Variants in ATG4C observed in about 807,000 individuals in gnomAD.
The protein encoded by ATG4C is cysteine protease ATG4C.
ATG4C carries 56 observed loss-of-function variants against 57.6 expected under a neutral mutation model. That is an observed-to-expected ratio of 0.97 (90% confidence interval 0.78 to 1.21). The LOEUF (loss-of-function observed/expected upper bound fraction) is 1.21, where lower values mean the gene tolerates loss of function less well. ATG4C is among the 50% of genes most tolerant of loss of function. ATG4C has a pLI of 0.00. For missense variants in ATG4C, 595 were observed against 529.8 expected (o/e 1.12, Z -1.21); for synonymous variants, 157 against 174.1 (o/e 0.90, Z 0.78).
At chr1:62,822,376 C>CTATG (rs1665510238) in intron 6 of ATG4C, among the ~76,000 whole-genome samples, 1 of 152,072 alleles carries the variant, frequency 6.6e-6, no homozygotes, top group South Asian at 2.1e-4. Flanking sequence ...TTTGCAGGTA[C>CTATG]TATGTTTTTC....
In ATG4C at chr1:62,787,344, A is replaced by G. The variant is rs1006755879; in HGVS notation, c.-69+3071A>G. Among the ~76,000 whole-genome samples, 6 of 152,298 alleles carry G rather than the reference A, an allele frequency of 3.9e-5. No individual in the cohort carries two copies. The East Asian group carries it at 7.7e-4, about 20-fold the overall frequency. ...TCTGTTTTGAATCTATCTGTAATATATTAAACCATGTATATGAATAGGTAA... is the reference window on the plus strand; with the variant it reads ...TCTGTTTTGAATCTATCTGTAATATGTTAAACCATGTATATGAATAGGTAA... On this transcript the variant is annotated intron_variant, in intron 1 of 10. Transcript: ENST00000317868.
chr1:62,815,144 A>C (rs1665224926), intron 3 of ATG4C, among the ~76,000 whole-genome samples: 1 of 152,068 alleles, frequency 6.6e-6, no homozygotes, highest in Admixed American at 6.6e-5. Context: ...CTAGGTTTAA[A>C]TGTATCATGT....
chr1:62,817,996 G>T (rs777648321), intron 4 of ATG4C, among the ~76,000 whole-genome samples: 3 of 151,750 alleles, frequency 2.0e-5, no homozygotes, highest in African/African-American at 7.3e-5. Context: ...TTTCTGGGAT[G>T]ATTTATTTAT....
chr1:62,805,247 A>G lies in ATG4C; in HGVS notation c.152A>G (p.Lys51Arg). ...VLLLGKCYHF[K>R]YEDEDKTLPA... Reference sequence around the variant, plus strand: ...TTGCTTGGAAAATGTTACCATTTTAAATATGAAGGTAAGTACAAAATTTGT... The same window carrying G: ...TTGCTTGGAAAATGTTACCATTTTAGATATGAAGGTAAGTACAAAATTTGT... The change falls in exon 3 of 11, where the codon AAA becomes AGA. Residue 51 changes from lysine to arginine, a missense_variant. Physicochemically the swap from Lys to Arg is conservative, Grantham distance 26. Coordinates refer to ENST00000317868, the MANE Select transcript of ATG4C (RefSeq NM_032852.4). 1 of 1,517,958 alleles carries G rather than the reference A, an allele frequency of 6.6e-7. No individual in the cohort carries two copies. 94.0% of individuals were successfully genotyped at this position (1,517,958 alleles called of 1,614,324 possible). A position where few individuals can be genotyped will look rare whatever the true frequency, so the allele number is the denominator to read the frequency against.
chr1:62,819,213 C>T lies in ATG4C; in HGVS notation c.603C>T (p.Ile201=), dbSNP rs1277770450. Residue 201 remains isoleucine, a synonymous_variant, in exon 5 of 11, where the codon ATC becomes ATT. Transcript: ENST00000317868. ...ATGAAGTTTATCATAGGAAAATCAT[C>T]TCTTGGTTTGGTGATTCCCCCTTGG... is the stretch of plus-strand genomic sequence containing the variant. ...MRNEVYHRKI[I]SWFGDSPLAL... 1 of 1,613,520 alleles carries T rather than the reference C, an allele frequency of 6.2e-7. No homozygotes were observed. The highest frequency in any genetic ancestry group is 1.7e-5 in the Admixed American group (1 of 59,944).
At chr1:62,837,949 C>G (rs1424580983) in intron 9 of ATG4C, among the ~76,000 whole-genome samples, 1 of 152,126 alleles carries the variant, frequency 6.6e-6, no homozygotes, top group African/African-American at 2.4e-5. Flanking sequence ...TGCCACCATA[C>G]CCGGTTAATT....
chr1:62,838,427 AC>A (rs769666259), intron 9 of ATG4C, among the ~76,000 whole-genome samples: 39 of 152,314 alleles, frequency 2.6e-4, no homozygotes, highest in Admixed American at 5.9e-4. Context: ...GCAATAGACA[AC>A]GATTGTGAAT....
chr1:62,805,277 C>T (rs1455122102), intron 3 of ATG4C, 22 bp downstream of exon 3: 1 of 1,475,374 alleles, frequency 6.8e-7, no homozygotes, highest in Non-Finnish European at 8.9e-7. Flanking sequence ...ATTTGTAAAC[C>T]ATTTAAAAAT....
intron 7 of ATG4C, 98 bp from the exon 8 acceptor site, chr1:62,833,940 T>C (rs750891042): frequency 1.4e-5 from 14 of 997,212 alleles, no homozygotes; most frequent in African/African-American, 4.9e-5. Context: ...CTGGTAGTGG[T>C]AAATTTGGGA....
At chr1:62,817,268 T>C (rs1572125188) in intron 4 of ATG4C, among the ~76,000 whole-genome samples, 1 of 152,188 alleles carries the variant, frequency 6.6e-6, no homozygotes, top group East Asian at 1.9e-4. Flanking sequence ...TACATGTCAA[T>C]AATGGTTTAA....
chr1:62,858,990 G>GT lies in ATG4C; in HGVS notation c.1210-5000dup, dbSNP rs536540753. Among the ~76,000 whole-genome samples, 414 of 152,240 alleles carry GT rather than the reference G, an allele frequency of 2.7e-3. 2 individuals carry two copies. Among genetic ancestry groups the GT allele is most frequent in the African/African-American group, 9.5e-3 (393 of 41,538 alleles). On this transcript the variant is annotated intron_variant, in intron 10 of 10. Transcript: ENST00000317868. ...GGGGATACATTCTGATAAATGTGTTGTTAGGTGATTTCATTGTTGTGCGAA... is the reference window on the plus strand; with the variant it reads ...GGGGATACATTCTGATAAATGTGTTGTTTAGGTGATTTCATTGTTGTGCGAA...
chr1:62,841,556 A>T lies in ATG4C; in HGVS notation c.1209+9A>T, dbSNP rs1171861828. The T allele has an allele frequency of 6.4e-7, 1 of 1,557,270 alleles. No homozygotes were observed. On this transcript the variant is annotated intron_variant, in intron 10 of 10. Coordinates refer to ENST00000317868, the MANE Select transcript of ATG4C (RefSeq NM_032852.4). ...CTGAAGAAATCACCAAGGTATCTTT[A>T]TTTAAAATATTATATTTGTAAATGA...
intron 3 of ATG4C, among the ~76,000 whole-genome samples, chr1:62,812,768 CAA>C (rs1456879695): frequency 6.6e-5 from 10 of 152,212 alleles, no homozygotes; most frequent in African/African-American, 2.2e-4. Context: ...GCAATTTCAG[CAA>C]AGTCTCAGAA....
At chr1:62,843,581 G>C (rs1222806387) in intron 10 of ATG4C, among the ~76,000 whole-genome samples, 2 of 151,956 alleles carry the variant, frequency 1.3e-5, no homozygotes, top group Non-Finnish European at 2.9e-5. Flanking sequence ...TTCTCATTTT[G>C]AAAATGAAGC....
At chr1:62,831,252 A>T (rs573190174) in intron 7 of ATG4C, among the ~76,000 whole-genome samples, 22 of 152,132 alleles carry the variant, frequency 1.4e-4, no homozygotes, top group African/African-American at 4.6e-4. Context: ...GGTTGAGTCA[A>T]ACCCCAATGA....
At chr1:62,830,244 T>A (rs977852018) in intron 7 of ATG4C, among the ~76,000 whole-genome samples, 1 of 152,162 alleles carries the variant, frequency 6.6e-6, no homozygotes, top group Non-Finnish European at 1.5e-5. Context: ...AAGGTTTTGA[T>A]GTCTGACATG....
At chr1:62,839,137 G>A (rs773270023) in intron 9 of ATG4C, among the ~76,000 whole-genome samples, 1 of 151,984 alleles carries the variant, frequency 6.6e-6, no homozygotes, top group Non-Finnish European at 1.5e-5. Flanking sequence ...TAGCTCACTG[G>A]CACCTCAAAC....
intron 10 of ATG4C, among the ~76,000 whole-genome samples, chr1:62,857,852 C>G (rs537968088): frequency 6.6e-5 from 10 of 152,280 alleles, no homozygotes; most frequent in African/African-American, 2.4e-4. Flanking sequence ...CAGTACCCAC[C>G]AAATACTCGC....
chr1:62,786,103 T>C (rs1457904484), intron 1 of ATG4C, among the ~76,000 whole-genome samples: 1 of 152,232 alleles, frequency 6.6e-6, no homozygotes, highest in Admixed American at 6.5e-5. Context: ...ATTATTTACA[T>C]TTAACAGATG....
Sources: allele counts gnomAD v4.1 joint callset (sites outside exome capture counted in the v4.1 genomes callset), GRCh38; gene constraint gnomAD v4.1.1; transcripts MANE v1.5; gene names NCBI Gene and HGNC (gene_info 2026-07-23, HGNC 2026-07-21).